The following KIF13B variants were observed in gnomAD, a reference collection of about 807,000 sequenced individuals.
The protein encoded by KIF13B is kinesin-like protein KIF13B.
In KIF13B, 127 loss-of-function variants were observed where a neutral mutation model predicts 222.0. The observed-to-expected ratio is 0.57, with a 90% CI of 0.50 to 0.66. The LOEUF is 0.66. Among genes scored for constraint, KIF13B ranks in the 30% least tolerant of loss-of-function variants. The pLI is 0.00. For missense variants in KIF13B, 2,173 were observed against 2,379.0 expected, an observed-to-expected ratio of 0.91 and a Z score of 1.80; for synonymous variants, 976 against 919.0, an observed-to-expected ratio of 1.06 and a Z score of -1.12.
chr8:29,147,544 A>T lies in KIF13B; in HGVS notation c.1872T>A (p.Ser624=), dbSNP rs1811113284. ...LEQQHEEEKR[S]ALERQRLMYE... The stretch of plus-strand genomic sequence containing the variant: ...ACATAAGCCTCTGGCGCTCCAGTGC[A>T]GATCGTTTTTCTTCTTCATGCTGTT... Residue 624 remains serine, a synonymous_variant, in exon 17 of 40, where the codon TCT becomes TCA. Coordinates refer to ENST00000524189, the MANE Select transcript of KIF13B (RefSeq NM_015254.4). The T allele has an allele frequency of 1.2e-6, 2 of 1,613,550 alleles. No homozygotes were observed. Among genetic ancestry groups the T allele is most frequent in the African/African-American group, 2.7e-5 (2 of 74,930 alleles).
At chr8:29,221,944 T>C (rs1814771846) in intron 2 of KIF13B, among the ~76,000 whole-genome samples, 1 of 152,230 alleles carries the variant, frequency 6.6e-6, no homozygotes, top group African/African-American at 2.4e-5. Flanking sequence ...GGTAGTTTTC[T>C]ATCTTTACTT....
intron 4 of KIF13B, 23 bp downstream of exon 4, chr8:29,190,974 G>C (rs755261997): frequency 5.7e-6 from 9 of 1,590,804 alleles, no homozygotes; most frequent in Non-Finnish European, 7.8e-6. Flanking sequence ...ATCAGTAGTT[G>C]ACAGGATGCT....
upstream of KIF13B, chr8:29,263,114 G>A (rs558087494): frequency 1.9e-5 from 27 of 1,404,976 alleles, 1 homozygote; most frequent in South Asian, 2.5e-4. Context: ...CGGCGGGAGG[G>A]GGCCGGGGGC....
At chr8:29,072,497 C>A (rs1209110714) in intron 38 of KIF13B, among the ~76,000 whole-genome samples, 181 bp from the exon 39 acceptor site, 4 of 152,156 alleles carry the variant, frequency 2.6e-5, no homozygotes, top group African/African-American at 4.8e-5. Flanking sequence ...ACAGCCTGGG[C>A]AACATAGTGA....
In KIF13B at chr8:29,122,590, C is replaced by A; in HGVS notation, c.3535+1G>T. ...CCTTCAGAAAACACCTCCTAACTTA[C>A]CATTTAAGTCCAGGAATATAACAGG... is the stretch of plus-strand genomic sequence containing the variant. On this transcript the variant is annotated splice_donor_variant, in intron 29 of 39. Coordinates refer to ENST00000524189, the MANE Select transcript of KIF13B (RefSeq NM_015254.4). LOFTEE classifies it high-confidence loss of function. 6.2e-7 allele frequency: 1 copy of A among 1,608,140 alleles called. No individual in the cohort carries two copies. The highest frequency in any genetic ancestry group is 8.5e-7 in the Non-Finnish European group (1 of 1,176,956).
chr8:29,239,711 G>A (rs990418170), intron 2 of KIF13B, among the ~76,000 whole-genome samples: 1 of 152,178 alleles, frequency 6.6e-6, no homozygotes, highest in African/African-American at 2.4e-5. Flanking sequence ...CGCCCAAGTT[G>A]GAGTGCGGTG....
chr8:29,102,969 G>T (rs1808864232), intron 35 of KIF13B, among the ~76,000 whole-genome samples: 1 of 152,102 alleles, frequency 6.6e-6, no homozygotes, highest in Non-Finnish European at 1.5e-5. Context: ...TCGGCCAGGT[G>T]CGGTGGCTCA....
Position 29,108,122 on chromosome 8 carries a change from A to G in KIF13B, c.4215+17T>C, listed in dbSNP as rs756504269. The G allele has an allele frequency of 3.1e-6, 5 of 1,600,124 alleles. No homozygotes were observed. Among genetic ancestry groups the G allele is most frequent in the Admixed American group, 1.7e-5 (1 of 58,738 alleles). On this transcript the variant is annotated intron_variant, in intron 35 of 39. Transcript: ENST00000524189. ...AATGGGACTTAAAACACTGATAGAAATAGTTAAAACACCTACCTTGTTGCT... is the reference window on the plus strand; with the variant it reads ...AATGGGACTTAAAACACTGATAGAAGTAGTTAAAACACCTACCTTGTTGCT...
Position 29,167,387 on chromosome 8 carries a change from G to T in KIF13B, c.1144C>A (p.Leu382Met). Residue 382 changes from leucine (L) to methionine (M), a missense_variant, in exon 11 of 40, where the codon CTG becomes ATG. Leu to Met is a conservative substitution (Grantham distance 15, BLOSUM62 2). Around this residue, in one of 2 missense-constraint regions of KIF13B, gnomAD observed 1,480 missense variants for 1,722.8 expected, o/e 0.86. Coordinates refer to ENST00000524189, the MANE Select transcript of KIF13B (RefSeq NM_015254.4). ...REEVEKLREQLTKAEAMKSPE... is the reference protein window; with the variant it reads ...REEVEKLREQMTKAEAMKSPE... ...GTGCCTCCTACCTCTGCTTTGGTCA[G>T]CTGCTCCCGGAGTTTCTCAACTTCT... The T allele has an allele frequency of 6.2e-7, 1 of 1,612,458 alleles. No individual in the cohort carries two copies. The highest frequency in any genetic ancestry group is 8.5e-7 in the Non-Finnish European group (1 of 1,179,706).
At chr8:29,118,004 A>G (rs1008823794) in intron 30 of KIF13B, among the ~76,000 whole-genome samples, 2 of 151,920 alleles carry the variant, frequency 1.3e-5, no homozygotes, top group African/African-American at 4.8e-5. Context: ...CTAAAAATAC[A>G]AAAATTAGCC....
Position 29,155,962 on chromosome 8 carries a change from T to A in KIF13B, c.1405-106A>T, listed in dbSNP as rs561727702. ...TATTGTCCTATTACCTTTGCGAAAA[T>A]TTTTTTTATTTTTATTTTATTTTTG... On this transcript the variant is annotated intron_variant, in intron 13 of 39. Coordinates refer to ENST00000524189, the MANE Select transcript of KIF13B (RefSeq NM_015254.4). 35 of 821,114 alleles carry A rather than the reference T, an allele frequency of 4.3e-5. No homozygotes were observed. The South Asian group carries it at 4.4e-4, about 10-fold the overall frequency. The allele number at this position is 821,114 out of a possible 1,614,324, so 50.9% of individuals were successfully genotyped here.
intron 14 of KIF13B, among the ~76,000 whole-genome samples, chr8:29,153,453 T>C (rs1007591350): frequency 2.6e-5 from 4 of 151,968 alleles, no homozygotes; most frequent in African/African-American, 9.7e-5. Flanking sequence ...AAAATGGCAT[T>C]CAACAGAAGT....
chr8:29,130,692 A>G (rs1552470), intron 23 of KIF13B, 27 bp from the exon 24 acceptor site: 2 of 1,612,460 alleles, frequency 1.2e-6, no homozygotes. Flanking sequence ...GTTCTTGGAA[A>G]ATCATACATT....
intron 2 of KIF13B, among the ~76,000 whole-genome samples, chr8:29,230,077 A>T (rs1306707587): frequency 2.0e-5 from 3 of 152,230 alleles, no homozygotes; most frequent in African/African-American, 7.2e-5. Flanking sequence ...GACATTTTAC[A>T]TAAATAACTC....
chr8:29,177,405 A>T (rs1812526207), intron 9 of KIF13B, 61 bp downstream of exon 9: 4 of 1,092,770 alleles, frequency 3.7e-6, no homozygotes, highest in East Asian at 2.4e-5. Flanking sequence ...ATAACCACAG[A>T]TGTTCCCCTA....
At chr8:29,230,990 C>CT (rs987526915) in intron 2 of KIF13B, among the ~76,000 whole-genome samples, 49 of 152,326 alleles carry the variant, frequency 3.2e-4, no homozygotes, top group African/African-American at 1.2e-3. Context: ...AGGTGATCCT[C>CT]TTGTCTCAGC....
chr8:29,257,850 C>T (rs1176746385), intron 1 of KIF13B, among the ~76,000 whole-genome samples: 5 of 152,078 alleles, frequency 3.3e-5, no homozygotes, highest in Non-Finnish European at 1.5e-5. Context: ...AACCAACCAA[C>T]AAACAAAAAA....
At position 29,263,004 on chromosome 8, in the gene KIF13B, G is replaced by T. The variant is rs373241482; in HGVS notation, c.31C>A (p.Arg11=). Residue 11 remains arginine, a synonymous_variant, in exon 1 of 40, where the codon CGG becomes AGG. Coordinates refer to ENST00000524189, the MANE Select transcript of KIF13B (RefSeq NM_015254.4). ...CCTCGCCGGTTCATGGGTCGTATCC[G>T]CACCGCCACTTTCACTTTGGAGTCC... MGDSKVKVAV[R]IRPMNRRETD... is the part of the protein sequence containing the mutation. 3 of 1,597,724 alleles carry T rather than the reference G, an allele frequency of 1.9e-6. No homozygotes were observed. The highest frequency in any genetic ancestry group is 2.7e-5 in the African/African-American group (2 of 73,500).
At chr8:29,239,003 A>G (rs2925206) in intron 2 of KIF13B, among the ~76,000 whole-genome samples, 79,913 of 151,988 alleles carry the variant, frequency 0.53, 22,788 homozygotes, top group African/African-American at 0.76. Flanking sequence ...ACACCACTAT[A>G]CGCCAGCCTG....
Sources: gnomAD v4.1 joint callset for allele counts (sites outside exome capture counted in the v4.1 genomes callset) on GRCh38, gnomAD v4.1.1 for gene constraint, gnomAD v4.1.1 regional missense constraint, MANE v1.5 for transcripts, NCBI Gene and HGNC (gene_info 2026-07-23, HGNC 2026-07-21) for gene names.